CACNA2D3: variants seen among roughly 807,000 people sequenced by gnomAD.
The protein encoded by CACNA2D3 is calcium voltage-gated channel auxiliary subunit alpha2delta 3, also known as voltage-dependent calcium channel subunit alpha-2/delta-3.
Under a neutral mutation model 160.6 loss-of-function variants are expected in CACNA2D3, and 60 were observed. The ratio of observed to expected loss-of-function variants is 0.37; its 90% confidence interval spans 0.30 to 0.46. The LOEUF is 0.46. Among genes scored for constraint, CACNA2D3 ranks in the 20% least tolerant of loss-of-function variants. CACNA2D3 has a pLI of 1.00. For missense variants in CACNA2D3, 1,205 were observed against 1,365.0 expected (o/e 0.88, Z 1.85); for synonymous variants, 558 against 492.9 (o/e 1.13, Z -1.75).
intron 4 of CACNA2D3, among the ~76,000 whole-genome samples, chr3:54,489,034 T>A (rs760622909): frequency 6.6e-6 from 1 of 152,108 alleles, no homozygotes; most frequent in East Asian, 1.9e-4. Flanking sequence ...TAGAGAATCA[T>A]GGAGCAATGG....
chr3:54,298,341 C>T (rs1275131939), intron 2 of CACNA2D3, among the ~76,000 whole-genome samples: 1 of 152,232 alleles, frequency 6.6e-6, no homozygotes. Flanking sequence ...AGCACTCACA[C>T]AGGGCATGTG....
chr3:54,736,052 C>CATAT lies in CACNA2D3; in HGVS notation c.1168-16546_1168-16543dup, dbSNP rs201221924. 6.1e-3 allele frequency among the ~76,000 whole-genome samples: 288 copies of CATAT among 47,176 alleles called. 31 individuals are homozygous for CATAT. Among genetic ancestry groups the CATAT allele is most frequent in the Non-Finnish European group, 7.5e-3 (179 of 23,838 alleles). The allele number at this position is 47,176 out of a possible 152,430, so 30.9% of individuals were successfully genotyped here. On this transcript the variant is annotated intron_variant, in intron 11 of 37. Transcript: ENST00000474759. The stretch of plus-strand genomic sequence containing the variant: ...ATATATATGTATATATATACACATA[C>CATAT]ATATGTATGTATATATATATACATA...
At chr3:54,573,145 A>G (rs981856089) in intron 8 of CACNA2D3, among the ~76,000 whole-genome samples, 1 of 152,224 alleles carries the variant, frequency 6.6e-6, no homozygotes, top group African/African-American at 2.4e-5. Flanking sequence ...TTTTCAACAT[A>G]AATAATCAGC....
At chr3:54,665,915 C>A (rs951623874) in intron 11 of CACNA2D3, among the ~76,000 whole-genome samples, 1 of 151,954 alleles carries the variant, frequency 6.6e-6, no homozygotes, top group Non-Finnish European at 1.5e-5. Flanking sequence ...GATACTCCTA[C>A]CTCAGCCTCC....
chr3:54,264,235 T>G (rs1702461106), intron 2 of CACNA2D3, among the ~76,000 whole-genome samples: 2 of 152,204 alleles, frequency 1.3e-5, no homozygotes, highest in Non-Finnish European at 2.9e-5. Context: ...TGCTCTTACT[T>G]CCTGTCCTTG....
chr3:54,308,204 C>T (rs1703652762), intron 2 of CACNA2D3, among the ~76,000 whole-genome samples: 1 of 152,166 alleles, frequency 6.6e-6, no homozygotes, highest in African/African-American at 2.4e-5. Context: ...TGAGGCTGTG[C>T]TGCCTGTGTT....
At chr3:54,817,727 A>G (rs968300061) in intron 14 of CACNA2D3, among the ~76,000 whole-genome samples, 1 of 152,210 alleles carries the variant, frequency 6.6e-6, no homozygotes, top group Non-Finnish European at 1.5e-5. Context: ...GAGAGAGCAC[A>G]ACTGCTCTAC....
At chr3:54,664,936 A>G (rs372615075) in intron 11 of CACNA2D3, among the ~76,000 whole-genome samples, 8 of 152,246 alleles carry the variant, frequency 5.3e-5, no homozygotes, top group East Asian at 1.9e-4. Context: ...GGCTATGTAG[A>G]GAAGGAAAAA....
At chr3:54,359,322 C>T (rs955337981) in intron 3 of CACNA2D3, among the ~76,000 whole-genome samples, 36 of 152,126 alleles carry the variant, frequency 2.4e-4, no homozygotes, top group African/African-American at 8.5e-4. Context: ...TTTGGGAGAG[C>T]CTGCTTAAAC....
chr3:54,365,388 A>G (rs926003272), intron 3 of CACNA2D3, among the ~76,000 whole-genome samples: 1 of 152,234 alleles, frequency 6.6e-6, no homozygotes, highest in Admixed American at 6.5e-5. Flanking sequence ...TACACAAGTA[A>G]AGAAGTCATG....
intron 2 of CACNA2D3, among the ~76,000 whole-genome samples, chr3:54,229,053 A>G (rs949426258): frequency 4.5e-4 from 68 of 152,234 alleles, no homozygotes; most frequent in Non-Finnish European, 7.3e-5. Context: ...TTCCTAAACC[A>G]ACAACACTGC....
intron 13 of CACNA2D3, among the ~76,000 whole-genome samples, chr3:54,808,349 T>C (rs1703189650): frequency 6.6e-6 from 1 of 152,166 alleles, no homozygotes; most frequent in Non-Finnish European, 1.5e-5. Flanking sequence ...AGCTCTGCCA[T>C]GTCACTGCCA....
At position 54,862,942 on chromosome 3, in the gene CACNA2D3, G is replaced by A. The variant is rs144442293; in HGVS notation, c.1627-8597G>A. ...TACCTCATATTCAAAACGGTCTGAC[G>A]GCTCCACATACCCAAAAGTCTTTTG... On this transcript the variant is annotated intron_variant, in intron 17 of 37. Coordinates refer to ENST00000474759, the MANE Select transcript of CACNA2D3 (RefSeq NM_018398.3). Among the ~76,000 whole-genome samples, 126 of 152,212 alleles carry A rather than the reference G, an allele frequency of 8.3e-4. No individual in the cohort carries two copies. In the Middle Eastern group the frequency reaches 0.014, roughly 16 times the overall value.
intron 2 of CACNA2D3, among the ~76,000 whole-genome samples, chr3:54,317,949 T>C (rs1257500054): frequency 6.6e-6 from 1 of 152,202 alleles, no homozygotes; most frequent in Non-Finnish European, 1.5e-5. Flanking sequence ...TTATCTCTTA[T>C]TAGGCCCCAT....
At chr3:55,052,057 C>T (rs549418940) in intron 35 of CACNA2D3, among the ~76,000 whole-genome samples, 1 of 152,314 alleles carries the variant, frequency 6.6e-6, no homozygotes, top group Non-Finnish European at 1.5e-5. Context: ...GCCGAAATGA[C>T]TGTCTTCTGC....
At chr3:54,528,464 T>G (rs1389671425) in intron 5 of CACNA2D3, among the ~76,000 whole-genome samples, 4 of 151,718 alleles carry the variant, frequency 2.6e-5, no homozygotes, top group Non-Finnish European at 4.4e-5. Flanking sequence ...TAACCACAAC[T>G]TGGATGTCCT....
intron 2 of CACNA2D3, among the ~76,000 whole-genome samples, chr3:54,241,791 T>C (rs1701978112): frequency 6.6e-6 from 1 of 152,204 alleles, no homozygotes; most frequent in Non-Finnish European, 1.5e-5. Context: ...GCTGAGTGTG[T>C]TGGTGGTGGT....
intron 2 of CACNA2D3, among the ~76,000 whole-genome samples, chr3:54,292,864 G>A (rs1166436466): frequency 6.6e-6 from 1 of 152,206 alleles, no homozygotes; most frequent in Non-Finnish European, 1.5e-5. Flanking sequence ...GACTGAAATA[G>A]AGACTGGCAC....
intron 3 of CACNA2D3, among the ~76,000 whole-genome samples, chr3:54,360,851 C>A (rs1698729614): frequency 6.6e-6 from 1 of 152,100 alleles, no homozygotes; most frequent in Non-Finnish European, 1.5e-5. Flanking sequence ...TTATATGGTC[C>A]AATCAAGACC....
Sources: gnomAD v4.1 joint callset for allele counts (sites outside exome capture counted in the v4.1 genomes callset) on GRCh38, gnomAD v4.1.1 for gene constraint, MANE v1.5 for transcripts, NCBI Gene and HGNC (gene_info 2026-07-23, HGNC 2026-07-21) for gene names.